The following ASB5 variants were observed in gnomAD, a reference collection of about 807,000 sequenced individuals.
ASB5 encodes the protein ankyrin repeat and SOCS box protein 5.
Under a neutral mutation model 42.1 loss-of-function variants are expected in ASB5, and 45 were observed. That is an observed-to-expected ratio of 1.07 (90% confidence interval 0.84 to 1.37). The LOEUF is 1.37. Ranked by LOEUF, ASB5 falls within the 40% of genes most tolerant of loss-of-function variation. The pLI, the probability that ASB5 is intolerant of heterozygous loss-of-function variation, is 0.00. For missense variants in ASB5, 402 were observed against 399.8 expected, an observed-to-expected ratio of 1.01 and a Z score of -0.05; for synonymous variants, 147 against 150.6, an observed-to-expected ratio of 0.98 and a Z score of 0.18.
chr4:176,229,030 C>T (rs1300164971), intron 1 of ASB5, among the ~76,000 whole-genome samples: 2 of 152,136 alleles, frequency 1.3e-5, no homozygotes, highest in Non-Finnish European at 2.9e-5. Flanking sequence ...CCACTTTGTT[C>T]AGTTCAATCA....
At chr4:176,259,109 A>T (rs1054116849) in intron 1 of ASB5, among the ~76,000 whole-genome samples, 2 of 152,128 alleles carry the variant, frequency 1.3e-5, no homozygotes. Context: ...AGAGAGAAGG[A>T]GAGAGATGCT....
chr4:176,234,475 C>T (rs555937421), intron 1 of ASB5, among the ~76,000 whole-genome samples: 3 of 152,300 alleles, frequency 2.0e-5, no homozygotes, highest in African/African-American at 7.2e-5. Flanking sequence ...ATTAAAAAAT[C>T]CTCCCTGTCC....
chr4:176,218,369 A>G (rs1246412690), intron 5 of ASB5, among the ~76,000 whole-genome samples: 1 of 113,582 alleles, frequency 8.8e-6, no homozygotes, highest in African/African-American at 3.6e-5. Context: ...TATGATATAT[A>G]AATATATATG....
intron 1 of ASB5, among the ~76,000 whole-genome samples, chr4:176,246,868 T>C (rs1753923509): frequency 6.6e-6 from 1 of 151,916 alleles, no homozygotes. Flanking sequence ...GAAGAAGAAA[T>C]AAAAATGGTA....
chr4:176,220,956 ACTTATCAAGAACGAGGTTCTTTTTTATTG>A (rs1354937642), intron 5 of ASB5, among the ~76,000 whole-genome samples, 170 bp downstream of exon 5: 2 of 152,204 alleles, frequency 1.3e-5, no homozygotes, highest in East Asian at 3.8e-4. Context: ...TAGGAAGCCG[ACTTATCAAGAACGAGGTTCTTTTTTATTG>A]CTTATCAAGA....
intron 2 of ASB5, among the ~76,000 whole-genome samples, chr4:176,222,742 A>G (rs1753255420): frequency 7.0e-6 from 1 of 143,626 alleles, no homozygotes; most frequent in African/African-American, 2.7e-5. Flanking sequence ...CTGTAGAACT[A>G]AACACTCGTT....
upstream of ASB5, among the ~76,000 whole-genome samples, chr4:176,273,099 G>A (rs1404984507): frequency 6.6e-6 from 1 of 151,942 alleles, no homozygotes; most frequent in Admixed American, 6.6e-5. Flanking sequence ...ACAGGCATGA[G>A]CCACTGTGCC....
intron 1 of ASB5, chr4:176,249,553 T>G (rs1300349228): frequency 3.3e-5 from 5 of 152,112 alleles, no homozygotes; most frequent in African/African-American, 9.7e-5. Flanking sequence ...ATCTGCTGAA[T>G]GTCTGCTCTA....
intron 1 of ASB5, among the ~76,000 whole-genome samples, chr4:176,231,224 A>AT (rs1753533118): frequency 1.3e-5 from 1 of 76,164 alleles, no homozygotes; most frequent in Admixed American, 1.3e-4. Context: ...TCCGACTCAT[A>AT]ATTTTTTTTT....
intron 5 of ASB5, among the ~76,000 whole-genome samples, chr4:176,219,692 G>A (rs550275416): frequency 1.6e-4 from 23 of 144,528 alleles, no homozygotes; most frequent in African/African-American, 5.4e-4. Context: ...TCAGCCTCTC[G>A]AGCAGCTGGG....
chr4:176,235,123 A>C (rs1257676935), intron 1 of ASB5, among the ~76,000 whole-genome samples: 1 of 152,178 alleles, frequency 6.6e-6, no homozygotes, highest in Non-Finnish European at 1.5e-5. Context: ...TCCATAATAA[A>C]TGTAACTAAC....
At chr4:176,217,149 TTATA>T (rs1234297965) in intron 5 of ASB5, 140 bp from the exon 6 acceptor site, 4 of 656,158 alleles carry the variant, frequency 6.1e-6, no homozygotes, top group African/African-American at 1.8e-5. Context: ...AGTTATTTCT[TTATA>T]TACATATACA....
At chr4:176,261,359 G>C (rs569723043) in intron 1 of ASB5, among the ~76,000 whole-genome samples, 1 of 152,078 alleles carries the variant, frequency 6.6e-6, no homozygotes, top group Non-Finnish European at 1.5e-5. Context: ...ATTAGCTAGC[G>C]ACCCTTTTTC....
intron 1 of ASB5, among the ~76,000 whole-genome samples, chr4:176,242,067 C>T (rs923839223): frequency 7.2e-5 from 11 of 152,172 alleles, no homozygotes; most frequent in Admixed American, 6.5e-5. Flanking sequence ...TGACCAGTGA[C>T]GTGTGCAAAC....
chr4:176,215,367 T>G lies in ASB5; in HGVS notation c.*233A>C. 1 of 312,614 alleles carries G rather than the reference T, an allele frequency of 3.2e-6. No homozygotes were observed. Among genetic ancestry groups the G allele is most frequent in the Non-Finnish European group, 5.7e-6 (1 of 174,830 alleles). The allele number at this position is 312,614 out of a possible 1,614,324, so 19.4% of individuals were successfully genotyped here. A position where few individuals can be genotyped will look rare whatever the true frequency, so the allele number is the denominator to read the frequency against. ...ATTTTTTCCTGAATAAACAGGAGGGTATATTGAAATAACAAAAAATAGATA... is the reference window on the plus strand; with the variant it reads ...ATTTTTTCCTGAATAAACAGGAGGGGATATTGAAATAACAAAAAATAGATA... On this transcript the variant is annotated 3_prime_UTR_variant, in exon 7 of 7. Coordinates refer to ENST00000296525, the MANE Select transcript of ASB5 (RefSeq NM_080874.4).
At chr4:176,241,566 T>C (rs1753813182) in intron 1 of ASB5, 2 of 1,511,854 alleles carry the variant, frequency 1.3e-6, no homozygotes, top group Admixed American at 4.6e-5. Flanking sequence ...GGCCGTGCCC[T>C]CATACAACCT....
chr4:176,220,080 T>A (rs1208991086), intron 5 of ASB5, among the ~76,000 whole-genome samples: 1 of 152,162 alleles, frequency 6.6e-6, no homozygotes, highest in Non-Finnish European at 1.5e-5. Flanking sequence ...GTTTATGAAT[T>A]TTGATTGGGC....
intron 3 of ASB5, 48 bp downstream of exon 3, chr4:176,222,265 C>T (rs779832398): frequency 6.7e-7 from 1 of 1,495,772 alleles, no homozygotes; most frequent in Admixed American, 1.7e-5. Context: ...CTGTTGGATT[C>T]CCTCCGTCAG....
At chr4:176,262,534 C>G (rs1293476213) in intron 1 of ASB5, among the ~76,000 whole-genome samples, 1 of 152,174 alleles carries the variant, frequency 6.6e-6, no homozygotes, top group East Asian at 1.9e-4. Flanking sequence ...ATATCCTAGG[C>G]AGAACCATTC....
Sources: gnomAD v4.1 joint callset for allele counts (sites outside exome capture counted in the v4.1 genomes callset) on GRCh38, gnomAD v4.1.1 for gene constraint, MANE v1.5 for transcripts, NCBI Gene and HGNC (gene_info 2026-07-23, HGNC 2026-07-21) for gene names.